The following RTTN variants were observed in gnomAD, a reference collection of about 807,000 sequenced individuals.
The protein encoded by RTTN is rotatin.
A neutral mutation model predicts 269.2 loss-of-function variants in RTTN; 182 were observed. That is an observed-to-expected ratio of 0.68 (90% CI 0.60 to 0.76). The LOEUF is 0.76. RTTN is among the 30% of genes least tolerant of loss of function. The pLI is 0.00. For synonymous variants in RTTN, 1,006 were observed against 963.5 expected (o/e 1.04, Z -0.82); for missense variants, 2,545 against 2,608.6 (o/e 0.98, Z 0.53).
At chr18:70,025,689 G>A (rs142660748) in intron 43 of RTTN, among the ~76,000 whole-genome samples, 1,871 of 152,230 alleles carry the variant, frequency 0.012, 22 homozygotes, top group South Asian at 0.037. Context: ...AGATGACCTT[G>A]TTTACTATTT....
At chr18:70,125,958 A>G (rs1256985580) in intron 25 of RTTN, among the ~76,000 whole-genome samples, 1 of 152,044 alleles carries the variant, frequency 6.6e-6, no homozygotes, top group Non-Finnish European at 1.5e-5. Flanking sequence ...AAATACATGA[A>G]TATTTATAAA....
intron 27 of RTTN, among the ~76,000 whole-genome samples, chr18:70,110,675 T>C (rs572854034): frequency 2.6e-5 from 4 of 152,258 alleles, no homozygotes; most frequent in Admixed American, 2.6e-4. Context: ...TTTTTTCCCA[T>C]ACCCCAGTGG....
intron 23 of RTTN, chr18:70,130,439 C>T (rs900670929): frequency 6.6e-6 from 1 of 151,724 alleles, no homozygotes; most frequent in African/African-American, 2.4e-5. Flanking sequence ...AATGGAGTAT[C>T]ATTCAGATGT....
intron 14 of RTTN, among the ~76,000 whole-genome samples, chr18:70,151,734 C>T (rs2060543410): frequency 6.6e-6 from 1 of 152,164 alleles, no homozygotes; most frequent in African/African-American, 2.4e-5. Flanking sequence ...CTGTGACTAT[C>T]CCCTTCTGAA....
chr18:70,140,254 A>C lies in RTTN; in HGVS notation c.2582-66T>G. On this transcript the variant is annotated intron_variant, in intron 19 of 48. Coordinates refer to ENST00000640769, the MANE Select transcript of RTTN (RefSeq NM_173630.4). ...TTGTAGTTTAAAACACGTATTTTGA[A>C]ATACTCAGAACTGATATCCACACAA... 4.6e-6 allele frequency: 4 copies of C among 870,844 alleles called. No individual in the cohort carries two copies. The Admixed American group carries it at 8.2e-5, about 18-fold the overall frequency. 53.9% of individuals were successfully genotyped at this position (870,844 alleles called of 1,614,324 possible).
intron 8 of RTTN, 58 bp from the exon 9 acceptor site, chr18:70,190,777 C>A: frequency 8.3e-7 from 1 of 1,200,268 alleles, no homozygotes. Context: ...AACAGATTTA[C>A]TGCATATCTG....
chr18:70,176,914 T>C (rs1409841802), intron 10 of RTTN, 69 bp from the exon 11 acceptor site: 8 of 1,168,716 alleles, frequency 6.8e-6, no homozygotes, highest in Middle Eastern at 2.4e-4. Context: ...ACAAAAGCCA[T>C]GGAGAACAGT....
intron 46 of RTTN, chr18:70,008,344 T>G (rs2056260780): frequency 6.6e-6 from 1 of 152,042 alleles, no homozygotes; most frequent in Non-Finnish European, 1.5e-5. Flanking sequence ...AGAATAACTC[T>G]TCTCTTCCAA....
intron 27 of RTTN, among the ~76,000 whole-genome samples, chr18:70,113,376 A>G (rs144163920): frequency 1.3e-5 from 2 of 152,326 alleles, no homozygotes; most frequent in East Asian, 1.9e-4. Context: ...TTAGGATGCT[A>G]TAATAACAGG....
In RTTN at chr18:70,201,832, A is replaced by G. The variant is rs1016653509; in HGVS notation, c.487+62T>C. The stretch of plus-strand genomic sequence containing the variant: ...TAAAAATACATCTTCACAATAACGA[A>G]AAAAGTACATTAATTTTCAACTTCC... On this transcript the variant is annotated intron_variant, in intron 4 of 48. Coordinates refer to ENST00000640769, the MANE Select transcript of RTTN (RefSeq NM_173630.4). 7.9e-6 allele frequency: 8 copies of G among 1,018,936 alleles called. No homozygotes were observed. The African/African-American group carries it at 1.1e-4, about 15-fold the overall frequency. 63.1% of individuals were successfully genotyped at this position (1,018,936 alleles called of 1,614,324 possible). A position where few individuals can be genotyped will look rare whatever the true frequency, so the allele number is the denominator to read the frequency against.
Position 70,166,343 on chromosome 18 carries a change from C to T in RTTN, c.1803-155G>A, listed in dbSNP as rs1033567701. On this transcript the variant is annotated intron_variant, in intron 13 of 48. Transcript: ENST00000640769. ...ATACTAGCAAGTACTCACCTAAGCA[C>T]TTATTTGTTTCAGGGCAGAGGAGGT... The T allele has an allele frequency of 1.6e-5, 10 of 639,080 alleles. No homozygotes were observed. In the South Asian group the frequency reaches 1.7e-4, roughly 11 times the overall value. The allele number at this position is 639,080 out of a possible 1,614,324, so 39.6% of individuals were successfully genotyped here. A position where few individuals can be genotyped will look rare whatever the true frequency, so the allele number is the denominator to read the frequency against.
intron 40 of RTTN, chr18:70,031,213 T>A: frequency 3.8e-6 from 2 of 529,156 alleles, no homozygotes; most frequent in African/African-American, 1.9e-5. Flanking sequence ...ACTCATCATC[T>A]ACAGAAAAAA....
At chr18:70,053,990 T>C (rs2057745104) in intron 38 of RTTN, 141 bp downstream of exon 38, 6 of 678,778 alleles carry the variant, frequency 8.8e-6, no homozygotes, top group Non-Finnish European at 1.5e-5. Flanking sequence ...ATCCAAACTA[T>C]AAAACACATT....
intron 32 of RTTN, among the ~76,000 whole-genome samples, chr18:70,085,192 A>G (rs1194367331): frequency 6.6e-6 from 1 of 152,198 alleles, no homozygotes; most frequent in South Asian, 2.1e-4. Flanking sequence ...CACTATTAAT[A>G]TAACTATTAA....
At chr18:70,203,522 T>C (rs2062005591) in intron 3 of RTTN, among the ~76,000 whole-genome samples, 1 of 152,210 alleles carries the variant, frequency 6.6e-6, no homozygotes, top group Admixed American at 6.5e-5. Context: ...TCCCAGTTTT[T>C]GAATGAGAAA....
chr18:70,172,069 A>C (rs2145946500), intron 11 of RTTN, among the ~76,000 whole-genome samples: 1 of 152,304 alleles, frequency 6.6e-6, no homozygotes, highest in Middle Eastern at 3.4e-3. Context: ...TGCTTCCAGA[A>C]CAGGGCTAGT....
intron 23 of RTTN, chr18:70,131,217 A>T (rs1213925131): frequency 6.6e-6 from 1 of 151,634 alleles, no homozygotes; most frequent in Non-Finnish European, 1.5e-5. Flanking sequence ...AAAAACTCTT[A>T]AAAAAACAAA....
At chr18:70,150,816 C>G in intron 14 of RTTN, 83 bp from the exon 15 acceptor site, 1 of 1,055,972 alleles carries the variant, frequency 9.5e-7, no homozygotes, top group South Asian at 1.8e-5. Flanking sequence ...TTTACAATCC[C>G]ATTTCTATTT....
rs373681156 is a variant in RTTN at position 70,169,062 on chromosome 18, G to A, written c.1482C>T (p.Ser494=). ...LQTLLPVEKA[S]EFLSEPMSTA... ...TTGACATAGGCTCTGATAAAAACTC[G>A]CTTGCCTTGGTGAATTAAAAAAACA... Residue 494 remains serine (S), a synonymous_variant, in exon 12 of 49, where the codon AGC becomes AGT. Transcript: ENST00000640769. 12 of 1,580,042 alleles carry A rather than the reference G, an allele frequency of 7.6e-6. No homozygotes were observed. The highest frequency in any genetic ancestry group is 1.9e-5 in the Admixed American group (1 of 51,668).
Sources: gnomAD v4.1 joint callset for allele counts (sites outside exome capture counted in the v4.1 genomes callset) on GRCh38, gnomAD v4.1.1 for gene constraint, MANE v1.5 for transcripts, NCBI Gene and HGNC (gene_info 2026-07-23, HGNC 2026-07-21) for gene names.